The following MACF1 variants were observed in gnomAD, a reference collection of about 807,000 sequenced individuals.
MACF1 encodes microtubule-actin cross-linking factor 1.
In MACF1, 193 loss-of-function variants were observed where a neutral mutation model predicts 854.8. The observed-to-expected ratio is 0.23, with a 90% CI of 0.20 to 0.25. The LOEUF (loss-of-function observed/expected upper bound fraction) is 0.25, where lower values mean the gene tolerates loss of function less well. Ranked by LOEUF, MACF1 falls within the 10% of genes least tolerant of loss-of-function variation. The pLI is 1.00. For missense variants in MACF1, 7,722 were observed against 8,929.1 expected, an observed-to-expected ratio of 0.86 and a Z score of 5.45; for synonymous variants, 3,185 against 3,226.7, an observed-to-expected ratio of 0.99 and a Z score of 0.44.
chr1:39,434,283 CTT>C (rs1298509232), intron 68 of MACF1, 129 bp from the exon 69 acceptor site: 5 of 437,994 alleles, frequency 1.1e-5, no homozygotes, highest in Non-Finnish European at 2.0e-5. Context: ...CACTTGTAAT[CTT>C]TACTGATATT....
intron 2 of MACF1, among the ~76,000 whole-genome samples, chr1:39,237,731 T>C (rs542897984): frequency 6.6e-6 from 1 of 151,730 alleles, no homozygotes; most frequent in Non-Finnish European, 1.5e-5. Context: ...TTTTTTTTTT[T>C]AGACAATACT....
chr1:39,453,212 A>T (rs1644371448), intron 87 of MACF1, among the ~76,000 whole-genome samples: 1 of 152,186 alleles, frequency 6.6e-6, no homozygotes, highest in Admixed American at 6.5e-5. Flanking sequence ...CTGGGGTCTC[A>T]GTCTGTCCTA....
chr1:39,354,052 C>T (rs573744231), intron 44 of MACF1, among the ~76,000 whole-genome samples: 176 of 152,300 alleles, frequency 1.2e-3, no homozygotes, highest in Non-Finnish European at 1.3e-3. Flanking sequence ...CTGTTGCCCT[C>T]AAGATTACCT....
chr1:39,323,229 T>C (rs537540132), intron 33 of MACF1, among the ~76,000 whole-genome samples: 1 of 152,036 alleles, frequency 6.6e-6, no homozygotes, highest in Non-Finnish European at 1.5e-5. Flanking sequence ...GTGGTCCCAG[T>C]TACTTGGGAG....
At chr1:39,361,927 C>T (rs1370100066) in intron 49 of MACF1, among the ~76,000 whole-genome samples, 5 of 152,204 alleles carry the variant, frequency 3.3e-5, no homozygotes, top group African/African-American at 1.2e-4. Flanking sequence ...TCATCATAGT[C>T]ACTCAAGGGA....
chr1:39,092,500 T>C (rs996798768), intron 2 of MACF1, among the ~76,000 whole-genome samples: 4 of 152,206 alleles, frequency 2.6e-5, no homozygotes, highest in Admixed American at 2.6e-4. Context: ...ACTGAGCAAA[T>C]AATGGAGCTG....
intron 58 of MACF1, among the ~76,000 whole-genome samples, chr1:39,402,935 A>G (rs1396241129): frequency 3.3e-5 from 5 of 149,944 alleles, no homozygotes; most frequent in Non-Finnish European, 7.5e-5. Flanking sequence ...GTGGTTCCTT[A>G]AACTCTGTCA....
Position 39,116,946 on chromosome 1 carries a change from C to T in MACF1, c.220+32508C>T, listed in dbSNP as rs538585136. Reference sequence around the variant, plus strand: ...CTCTCCCCAGGGCAGTTGAGCTTTGCTTTCCATGAAGGTTATGTAGTTAAT... The same window carrying T: ...CTCTCCCCAGGGCAGTTGAGCTTTGTTTTCCATGAAGGTTATGTAGTTAAT... On this transcript the variant is annotated intron_variant, in intron 2 of 93. Coordinates refer to the MACF1 transcript ENST00000361689. Among the ~76,000 whole-genome samples, 3 of 152,292 alleles carry T rather than the reference C, an allele frequency of 2.0e-5. No homozygotes were observed. In the South Asian group the frequency reaches 6.2e-4, roughly 32 times the overall value.
intron 21 of MACF1, among the ~76,000 whole-genome samples, chr1:39,298,500 G>A (rs1435882407): frequency 3.3e-5 from 5 of 152,130 alleles, no homozygotes. Context: ...ATGCAATAGG[G>A]AACTTACTTT....
chr1:39,331,428 G>C lies in MACF1; in HGVS notation c.4840G>C (p.Glu1614Gln), dbSNP rs1450059398. The change falls in exon 37 of 101, where the codon GAG (glutamate) becomes CAG (glutamine). Residue 1614 changes from glutamate to glutamine, a missense_variant. Glu to Gln is a conservative substitution (Grantham distance 29). Transcript: ENST00000564288. ...INPQMYQQLR[E>Q]LQDALALISR... is the part of the protein sequence containing the mutation. ...TCCCCAGATGTACCAGCAGCTCCGG[G>C]AGCTACAGGATGCCCTGGCCTTAAT... 6.2e-7 allele frequency: 1 copy of C among 1,613,940 alleles called. No individual in the cohort carries two copies. Among genetic ancestry groups the C allele is most frequent in the Non-Finnish European group, 8.5e-7 (1 of 1,180,030 alleles).
intron 2 of MACF1, among the ~76,000 whole-genome samples, chr1:39,102,193 AAGAGAGAG>A (rs61576279): frequency 1.4e-5 from 2 of 148,078 alleles, no homozygotes; most frequent in Admixed American, 6.8e-5. Flanking sequence ...AAGAAAAAGA[AAGAGAGAG>A]AGAGAGAGAG....
rs140603202 is a variant in MACF1 at position 39,284,347 on chromosome 1, A to G, written c.1050A>G (p.Gln350=). The G allele has an allele frequency of 7.5e-6, 12 of 1,598,074 alleles. No homozygotes were observed. The highest frequency in any genetic ancestry group is 5.4e-5 in the African/African-American group (4 of 73,698). Residue 350 remains glutamine (Q), a synonymous_variant, in exon 11 of 101, where the codon CAA becomes CAG. Transcript: ENST00000564288. ...TAATTTTATAGGCACTTTATAACCAATATATACACTTCAAAGAAACAGAAA... is the reference window on the plus strand; with the variant it reads ...TAATTTTATAGGCACTTTATAACCAGTATATACACTTCAAAGAAACAGAAA... The part of the protein sequence containing the change: ...NPVELKALYN[Q]YIHFKETEIL...
At chr1:39,107,659 A>G (rs567490254) in intron 2 of MACF1, among the ~76,000 whole-genome samples, 1 of 152,320 alleles carries the variant, frequency 6.6e-6, no homozygotes, top group East Asian at 1.9e-4. Context: ...ATAGGAGAAC[A>G]GTTTGTCTAA....
At chr1:39,236,988 C>T (rs1225334968) in intron 2 of MACF1, among the ~76,000 whole-genome samples, 1 of 152,234 alleles carries the variant, frequency 6.6e-6, no homozygotes, top group Non-Finnish European at 1.5e-5. Context: ...TCCATGGCTA[C>T]TAGTTGCCTC....
intron 47 of MACF1, 80 bp downstream of exon 47, chr1:39,359,344 G>T: frequency 6.7e-7 from 1 of 1,498,798 alleles, no homozygotes; most frequent in East Asian, 2.3e-5. Flanking sequence ...ACATTGTGTT[G>T]TGCAAATATC....
intron 2 of MACF1, among the ~76,000 whole-genome samples, chr1:39,126,003 A>G (rs993112124): frequency 6.6e-6 from 1 of 152,218 alleles, no homozygotes; most frequent in Admixed American, 6.5e-5. Flanking sequence ...AAACAAAACA[A>G]AGCAAACGAC....
chr1:39,227,981 C>G (rs1644735201), intron 1 of MACF1, among the ~76,000 whole-genome samples: 1 of 152,188 alleles, frequency 6.6e-6, no homozygotes, highest in African/African-American at 2.4e-5. Context: ...CTGTGCTTAC[C>G]TGTTATAGCA....
intron 2 of MACF1, among the ~76,000 whole-genome samples, chr1:39,093,552 C>G (rs981776477): frequency 3.6e-5 from 5 of 139,768 alleles, no homozygotes; most frequent in Non-Finnish European, 4.5e-5. Context: ...GTGGTGCGAT[C>G]TCGGCTCACT....
intron 3 of MACF1, 41 bp downstream of exon 3, chr1:39,250,144 A>T: frequency 7.4e-7 from 1 of 1,360,432 alleles, no homozygotes; most frequent in Non-Finnish European, 1.1e-6. Context: ...TTGTGGCCCT[A>T]CAAATGACAT....
Sources: gnomAD v4.1 joint callset for allele counts (sites outside exome capture counted in the v4.1 genomes callset) on GRCh38, gnomAD v4.1.1 for gene constraint, MANE v1.5 for transcripts, NCBI Gene and HGNC (gene_info 2026-07-23, HGNC 2026-07-21) for gene names.